ZNF280D: variants seen among roughly 807,000 people sequenced by gnomAD.
The protein encoded by ZNF280D is suppressor of hairy wing homolog 4.
ZNF280D carries 39 observed loss-of-function variants against 94.7 expected under a neutral mutation model. That is an observed-to-expected ratio of 0.41 (90% CI 0.32 to 0.54). The LOEUF is 0.54. Among genes scored for constraint, ZNF280D ranks in the 20% least tolerant of loss-of-function variants. The probability of loss-of-function intolerance (pLI) is 0.22; values close to 1 mark genes in which losing one functional copy is unlikely to be tolerated. For synonymous variants in ZNF280D, 398 were observed against 377.6 expected, an observed-to-expected ratio of 1.05 and a Z score of -0.63; for missense variants, 1,090 against 1,149.3, an observed-to-expected ratio of 0.95 and a Z score of 0.75.
intron 4 of ZNF280D, among the ~76,000 whole-genome samples, chr15:56,703,133 C>A (rs1437690500): frequency 6.6e-6 from 1 of 152,140 alleles, no homozygotes; most frequent in African/African-American, 2.4e-5. Context: ...TCAGTATCTG[C>A]ACGTTAATAT....
Position 56,658,490 on chromosome 15 carries a change from G to A in ZNF280D, c.1995-4C>T, listed in dbSNP as rs1158726804. 2 of 1,554,716 alleles carry A rather than the reference G, an allele frequency of 1.3e-6. No homozygotes were observed. The highest frequency in any genetic ancestry group is 8.6e-7 in the Non-Finnish European group (1 of 1,157,080). ...GCTTGGACGGTTACTATGAAAGCTG[G>A]AGAAACAAAAGAGATAGTAAAAATT... On this transcript the variant is annotated splice_polypyrimidine_tract_variant and splice_region_variant and intron_variant, in intron 16 of 21. Transcript: ENST00000267807.
chr15:56,654,074 A>T (rs944837772), intron 19 of ZNF280D, 124 bp downstream of exon 19: 4 of 1,374,016 alleles, frequency 2.9e-6, no homozygotes, highest in East Asian at 2.7e-5. Flanking sequence ...AAGCAGCTTT[A>T]AAAAAAAAAC....
At position 56,710,960 on chromosome 15, in the gene ZNF280D, C is replaced by G. The variant is rs1488866079; in HGVS notation, c.-85-3654G>C. On this transcript the variant is annotated intron_variant, in intron 1 of 21. Coordinates refer to ENST00000267807, the MANE Select transcript of ZNF280D (RefSeq NM_017661.4). Reference sequence around the variant, plus strand: ...AAACCAGGAGAACCAAGTCATAGTACCAGCATGGCCACAACCTTCTGCCAA... The same window carrying G: ...AAACCAGGAGAACCAAGTCATAGTAGCAGCATGGCCACAACCTTCTGCCAA... Among the ~76,000 whole-genome samples, 5 of 152,292 alleles carry G rather than the reference C, an allele frequency of 3.3e-5. No individual in the cohort carries two copies. In the South Asian group the frequency reaches 1.0e-3, roughly 32 times the overall value.
At chr15:56,678,042 C>G (rs150126106) in intron 11 of ZNF280D, among the ~76,000 whole-genome samples, 4,099 of 146,676 alleles carry the variant, frequency 0.028, 180 homozygotes, top group African/African-American at 0.098. Context: ...GTATCTTGCT[C>G]TGTCACCCAG....
chr15:56,677,222 C>T (rs1178560741), intron 12 of ZNF280D, among the ~76,000 whole-genome samples: 1 of 152,226 alleles, frequency 6.6e-6, no homozygotes, highest in African/African-American at 2.4e-5. Context: ...CTTTCCTCTT[C>T]CTTCAAATTC....
rs1299655584 is a variant in ZNF280D, at chr15:56,630,379, A to G, written c.*1119T>C. ...CAAACTACTGTTCTTCATATTATTC[A>G]TTTCTATATCTATTATATTCTAGAT... On this transcript the variant is annotated 3_prime_UTR_variant, in exon 22 of 22. Transcript: ENST00000267807. 1 of 152,124 alleles carries G rather than the reference A, an allele frequency of 6.6e-6. No individual in the cohort carries two copies. The highest frequency in any genetic ancestry group is 2.4e-5 in the African/African-American group (1 of 41,444). The allele number at this position is 152,124 out of a possible 1,614,324, so 9.4% of individuals were successfully genotyped here. A position where few individuals can be genotyped will look rare whatever the true frequency, so the allele number is the denominator to read the frequency against.
chr15:56,632,161 A>G (rs749291172), intron 21 of ZNF280D, 39 bp from the exon 22 acceptor site: 5 of 1,471,472 alleles, frequency 3.4e-6, no homozygotes, highest in Admixed American at 4.9e-5. Context: ...TTCTTCATAA[A>G]GCAATGTTTT....
intron 19 of ZNF280D, among the ~76,000 whole-genome samples, chr15:56,644,257 G>A (rs1377496881): frequency 1.3e-5 from 2 of 151,958 alleles, no homozygotes; most frequent in African/African-American, 4.8e-5. Flanking sequence ...CATTTTGGGG[G>A]TTAAAGATTT....
intron 16 of ZNF280D, among the ~76,000 whole-genome samples, chr15:56,662,822 C>G (rs1197399665): frequency 7.5e-6 from 1 of 134,124 alleles, no homozygotes; most frequent in Non-Finnish European, 1.6e-5. Flanking sequence ...CAGAGCAAGA[C>G]TCTGTCTCAA....
chr15:56,658,537 TA>T, intron 16 of ZNF280D, 51 bp from the exon 17 acceptor site: 1 of 1,305,588 alleles, frequency 7.7e-7, no homozygotes, highest in East Asian at 2.6e-5. Flanking sequence ...TAAGTCACAT[TA>T]ATTTATAACT....
At position 56,701,009 on chromosome 15, in the gene ZNF280D, G is replaced by C. The variant is rs752564925; in HGVS notation, c.305C>G (p.Pro102Arg). ...HYTNPTSNPVPASPINFHPES... is the reference protein window; with the variant it reads ...HYTNPTSNPVRASPINFHPES... ...AGGATGAAAATTTATTGGTGAGGCA[G>C]GCACTGGATTTGATGTTGGATTCGT... The change falls in exon 6 of 22, where the codon CCT becomes CGT. Residue 102 changes from proline (P) to arginine (R), a missense_variant. Pro to Arg is a moderately radical substitution (Grantham distance 103). Around this residue, in one of 3 missense-constraint regions of ZNF280D, gnomAD observed 386 missense variants for 372.0 expected, o/e 1.04. Transcript: ENST00000267807. 6.2e-7 allele frequency: 1 copy of C among 1,613,834 alleles called. No individual in the cohort carries two copies. Among genetic ancestry groups the C allele is most frequent in the African/African-American group, 1.3e-5 (1 of 74,920 alleles).
intron 1 of ZNF280D, among the ~76,000 whole-genome samples, chr15:56,709,775 A>G (rs1368996440): frequency 6.6e-6 from 1 of 152,110 alleles, no homozygotes; most frequent in Non-Finnish European, 1.5e-5. Context: ...AACAAACACT[A>G]CATGTTCTCA....
intron 1 of ZNF280D, among the ~76,000 whole-genome samples, chr15:56,709,645 G>A (rs555320091): frequency 3.6e-4 from 55 of 152,170 alleles, no homozygotes; most frequent in Non-Finnish European, 6.8e-4. Flanking sequence ...TTAAGAAAAT[G>A]TGGCACATAT....
rs1246457605 is a variant in ZNF280D at position 56,631,429 on chromosome 15, T to C, written c.*69A>G. On this transcript the variant is annotated 3_prime_UTR_variant, in exon 22 of 22. Transcript: ENST00000267807. ...ATTTCTGAACCTACAACAGCACCAC[T>C]GAGCTCACCTGATAGCACTGTTCCA... 36 of 1,526,314 alleles carry C rather than the reference T, an allele frequency of 2.4e-5. No homozygotes were observed. Among genetic ancestry groups the C allele is most frequent in the Non-Finnish European group, 2.9e-5 (33 of 1,121,322 alleles). 94.5% of individuals were successfully genotyped at this position (1,526,314 alleles called of 1,614,324 possible). A position where few individuals can be genotyped will look rare whatever the true frequency, so the allele number is the denominator to read the frequency against.
Position 56,689,486 on chromosome 15 carries a change from T to C in ZNF280D, c.500-16A>G. ...TCACTCATACCTACAATAATTTAAA[T>C]AGTGAGAAAAATATTTTTTAAAATT... On this transcript the variant is annotated splice_polypyrimidine_tract_variant and intron_variant, in intron 7 of 21. Transcript: ENST00000267807. 7.0e-7 allele frequency: 1 copy of C among 1,426,372 alleles called. No individual in the cohort carries two copies. Among genetic ancestry groups the C allele is most frequent in the Non-Finnish European group, 9.4e-7 (1 of 1,064,116 alleles). 88.4% of individuals were successfully genotyped at this position (1,426,372 alleles called of 1,614,324 possible).
chr15:56,644,423 G>C (rs1334184991), intron 19 of ZNF280D, among the ~76,000 whole-genome samples: 1 of 151,922 alleles, frequency 6.6e-6, no homozygotes, highest in African/African-American at 2.4e-5. Flanking sequence ...TGAAACATTA[G>C]TCTAAAAAAG....
chr15:56,658,403 A>T (rs1174328724), intron 17 of ZNF280D, 21 bp downstream of exon 17: 1 of 1,564,156 alleles, frequency 6.4e-7, no homozygotes, highest in Non-Finnish European at 8.6e-7. Flanking sequence ...TAGAAAGAGT[A>T]AAAAAAGATC....
At chr15:56,687,102 A>C (rs1233882592) in intron 9 of ZNF280D, among the ~76,000 whole-genome samples, 1 of 152,118 alleles carries the variant, frequency 6.6e-6, no homozygotes. Context: ...ACTAGAAAAT[A>C]AAAAGTCCCC....
At chr15:56,685,313 AG>A (rs1206463890) in intron 9 of ZNF280D, among the ~76,000 whole-genome samples, 6 of 149,906 alleles carry the variant, frequency 4.0e-5, no homozygotes, top group Admixed American at 1.4e-4. Flanking sequence ...CTGTAGAAAA[AG>A]ATCAAAACAA....
Sources: gnomAD v4.1 joint callset for allele counts (sites outside exome capture counted in the v4.1 genomes callset) on GRCh38, gnomAD v4.1.1 for gene constraint, gnomAD v4.1.1 regional missense constraint, MANE v1.5 for transcripts, NCBI Gene and HGNC (gene_info 2026-07-23, HGNC 2026-07-21) for gene names.